KIAA1217: variants seen among roughly 807,000 people sequenced by gnomAD.
KIAA1217 encodes KIAA1217.
In KIAA1217, 88 loss-of-function variants were observed where a neutral mutation model predicts 163.9. That is an observed-to-expected ratio of 0.54 (90% CI 0.45 to 0.64). KIAA1217 has a LOEUF of 0.64. Among genes scored for constraint, KIAA1217 ranks in the 30% least tolerant of loss-of-function variants. KIAA1217 has a pLI of 0.00. For missense variants in KIAA1217, 2,372 were observed against 2,475.0 expected, an observed-to-expected ratio of 0.96 and a Z score of 0.88; for synonymous variants, 903 against 923.1, an observed-to-expected ratio of 0.98 and a Z score of 0.39.
chr10:24,001,069 AAC>A (rs35481656), intron 1 of KIAA1217, among the ~76,000 whole-genome samples: 75 of 148,752 alleles, frequency 5.0e-4, no homozygotes, highest in Admixed American at 1.0e-3. Context: ...CTGCAAAGTA[AAC>A]ACACACACAC....
At chr10:23,749,809 G>A (rs951766853) in intron 1 of KIAA1217, among the ~76,000 whole-genome samples, 1 of 152,156 alleles carries the variant, frequency 6.6e-6, no homozygotes, top group Non-Finnish European at 1.5e-5. Context: ...ATTTAGAGAT[G>A]CCTCAGCCTA....
chr10:23,758,107 T>A (rs1834015263), intron 1 of KIAA1217, among the ~76,000 whole-genome samples: 1 of 152,196 alleles, frequency 6.6e-6, no homozygotes, highest in African/African-American at 2.4e-5. Flanking sequence ...CCTTTGGTGT[T>A]ATCATATATA....
intron 2 of KIAA1217, among the ~76,000 whole-genome samples, chr10:24,155,371 A>G (rs940213860): frequency 5.9e-5 from 9 of 152,210 alleles, no homozygotes; most frequent in African/African-American, 2.2e-4. Flanking sequence ...AATGACAAGT[A>G]CTTAGAGAAC....
intron 1 of KIAA1217, among the ~76,000 whole-genome samples, chr10:23,955,344 T>C (rs1340708592): frequency 2.0e-5 from 3 of 152,224 alleles, no homozygotes; most frequent in African/African-American, 4.8e-5. Context: ...ATCACTTTTC[T>C]ACTCTACAAT....
intron 3 of KIAA1217, among the ~76,000 whole-genome samples, 166 bp from the exon 4 acceptor site, chr10:24,432,829 A>T (rs1390496756): frequency 6.6e-6 from 1 of 152,128 alleles, no homozygotes; most frequent in Non-Finnish European, 1.5e-5. Context: ...TTACACAATA[A>T]CCAAACAGTG....
intron 2 of KIAA1217, among the ~76,000 whole-genome samples, chr10:24,321,173 C>T (rs1219023419): frequency 6.6e-6 from 1 of 152,046 alleles, no homozygotes; most frequent in African/African-American, 2.4e-5. Context: ...TCTCTGTACC[C>T]AAAATAATTG....
chr10:24,120,809 G>C (rs558854070), intron 2 of KIAA1217, among the ~76,000 whole-genome samples: 1 of 152,308 alleles, frequency 6.6e-6, no homozygotes, highest in East Asian at 1.9e-4. Flanking sequence ...GGTTTGCATT[G>C]AGTGGCTTTT....
At chr10:23,778,003 T>C (rs1835080821) in intron 1 of KIAA1217, among the ~76,000 whole-genome samples, 1 of 151,980 alleles carries the variant, frequency 6.6e-6, no homozygotes, top group Non-Finnish European at 1.5e-5. Context: ...AGTGCAGTGG[T>C]GTGATCTCGG....
At chr10:24,532,707 G>A (rs778020635) in intron 15 of KIAA1217, among the ~76,000 whole-genome samples, 37 of 152,076 alleles carry the variant, frequency 2.4e-4, no homozygotes, top group Admixed American at 5.2e-4. Flanking sequence ...AGAACAGCAC[G>A]GGAAAGACCT....
intron 9 of KIAA1217, among the ~76,000 whole-genome samples, chr10:24,505,489 C>G (rs2068217770): frequency 6.6e-6 from 1 of 151,808 alleles, no homozygotes; most frequent in South Asian, 2.1e-4. Context: ...ATCTTTTTCC[C>G]AAAATGCCAC....
chr10:23,843,649 G>A (rs75470946), intron 1 of KIAA1217, among the ~76,000 whole-genome samples: 3,539 of 152,274 alleles, frequency 0.023, 143 homozygotes, highest in African/African-American at 0.08. Context: ...GTGATACCCA[G>A]CAAGAAATCA....
At chr10:23,776,489 G>C (rs936731069) in intron 1 of KIAA1217, among the ~76,000 whole-genome samples, 1 of 151,276 alleles carries the variant, frequency 6.6e-6, no homozygotes, top group Non-Finnish European at 1.5e-5. Context: ...TCAGGTGACA[G>C]TTGTATATAC....
chr10:23,732,809 C>T (rs553407095), intron 1 of KIAA1217, among the ~76,000 whole-genome samples: 1 of 152,098 alleles, frequency 6.6e-6, no homozygotes, highest in South Asian at 2.1e-4. Context: ...TTTTGTTGTA[C>T]CTCACAAATG....
chr10:24,346,266 C>T (rs987654560), intron 2 of KIAA1217, among the ~76,000 whole-genome samples: 4 of 152,058 alleles, frequency 2.6e-5, no homozygotes, highest in African/African-American at 7.2e-5. Context: ...GAGATCGAGA[C>T]CATCCTGGCT....
intron 1 of KIAA1217, among the ~76,000 whole-genome samples, chr10:23,948,409 C>G (rs1844158830): frequency 6.6e-6 from 1 of 152,190 alleles, no homozygotes; most frequent in Non-Finnish European, 1.5e-5. Flanking sequence ...GATTGAAGGT[C>G]ATGTTCAATG....
chr10:24,103,031 T>C (rs1184068605), intron 2 of KIAA1217, among the ~76,000 whole-genome samples: 1 of 152,172 alleles, frequency 6.6e-6, no homozygotes, highest in Non-Finnish European at 1.5e-5. Context: ...TGCCCCTCAT[T>C]CACCTTCCAC....
At chr10:24,072,158 T>C (rs2061210292) in intron 2 of KIAA1217, among the ~76,000 whole-genome samples, 1 of 152,078 alleles carries the variant, frequency 6.6e-6, no homozygotes, top group South Asian at 2.1e-4. Flanking sequence ...CCCAAGGAGT[T>C]AGGACTAAAG....
chr10:24,201,078 C>T (rs2130523919), intron 2 of KIAA1217, among the ~76,000 whole-genome samples: 1 of 152,228 alleles, frequency 6.6e-6, no homozygotes, highest in African/African-American at 2.4e-5. Context: ...CGAGACCAGT[C>T]TGGCCAACAT....
chr10:23,754,178 GTTAA>G (rs1833798867), intron 1 of KIAA1217, among the ~76,000 whole-genome samples: 1 of 152,110 alleles, frequency 6.6e-6, no homozygotes, highest in Non-Finnish European at 1.5e-5. Flanking sequence ...CTCAATATTT[GTTAA>G]ACATTCATAC....
Sources: gnomAD v4.1 joint callset for allele counts (sites outside exome capture counted in the v4.1 genomes callset) on GRCh38, gnomAD v4.1.1 for gene constraint, MANE v1.5 for transcripts, NCBI Gene and HGNC (gene_info 2026-07-23, HGNC 2026-07-21) for gene names.